The following BORCS5 variants were observed in gnomAD, a reference collection of about 807,000 sequenced individuals.
The protein encoded by BORCS5 is BLOC-1 related complex subunit 5.
A neutral mutation model predicts 22.1 loss-of-function variants in BORCS5; 17 were observed. That is an observed-to-expected ratio of 0.77 (90% CI 0.53 to 1.15). BORCS5 has a LOEUF of 1.15. Ranked by LOEUF, BORCS5 falls within the 50% of genes most tolerant of loss-of-function variation. BORCS5 has a pLI of 0.00. For missense variants in BORCS5, 247 were observed against 253.2 expected, an observed-to-expected ratio of 0.98 and a Z score of 0.17; for synonymous variants, 117 against 99.8, an observed-to-expected ratio of 1.17 and a Z score of -1.03.
intron 2 of BORCS5, among the ~76,000 whole-genome samples, chr12:12,373,107 G>A (rs1372729527): frequency 2.0e-5 from 3 of 152,168 alleles, no homozygotes; most frequent in African/African-American, 7.2e-5. Flanking sequence ...GAGCCCTCAT[G>A]TCATGGGAGT....
chr12:12,360,567 A>ATTTTTTTTTT (rs35965943), intron 1 of BORCS5, among the ~76,000 whole-genome samples: 1 of 89,230 alleles, frequency 1.1e-5, no homozygotes, highest in Non-Finnish European at 2.1e-5. Flanking sequence ...ATTAAAAGAA[A>ATTTTTTTTTT]TTTTTTTTTT....
At chr12:12,449,672 T>A (rs1215657821) in intron 3 of BORCS5, among the ~76,000 whole-genome samples, 2 of 152,196 alleles carry the variant, frequency 1.3e-5, no homozygotes, top group African/African-American at 4.8e-5. Flanking sequence ...TCTGAGACAT[T>A]TAGATACATT....
At chr12:12,389,648 T>G (rs755306846) in intron 2 of BORCS5, among the ~76,000 whole-genome samples, 3 of 151,912 alleles carry the variant, frequency 2.0e-5, no homozygotes, top group Non-Finnish European at 4.4e-5. Flanking sequence ...TTTCGTTTTA[T>G]GTATTTATTT....
chr12:12,380,841 AT>A (rs1237020877), intron 2 of BORCS5, among the ~76,000 whole-genome samples: 1 of 151,090 alleles, frequency 6.6e-6, no homozygotes, highest in Non-Finnish European at 1.5e-5. Context: ...TGTTGAGATT[AT>A]TTTTGTGTGC....
intron 3 of BORCS5, among the ~76,000 whole-genome samples, chr12:12,457,984 G>T (rs1199370256): frequency 1.3e-5 from 2 of 152,306 alleles, no homozygotes; most frequent in East Asian, 3.9e-4. Flanking sequence ...GATAACCGTG[G>T]TCATAAGCTA....
At chr12:12,389,044 G>T (rs1863942515) in intron 2 of BORCS5, among the ~76,000 whole-genome samples, 1 of 150,004 alleles carries the variant, frequency 6.7e-6, no homozygotes, top group African/African-American at 2.5e-5. Flanking sequence ...GACACAGGTT[G>T]TTGAGGCAAA....
At position 12,467,868 on chromosome 12, in the gene BORCS5, A is replaced by G. The variant is rs978791364; in HGVS notation, c.*2092A>G. 6.6e-6 allele frequency: 1 copy of G among 152,202 alleles called. No individual in the cohort carries two copies. The highest frequency in any genetic ancestry group is 6.5e-5 in the Admixed American group (1 of 15,280). 9.4% of individuals were successfully genotyped at this position (152,202 alleles called of 1,614,324 possible). ...CCTGTTCCATCACGTGCACGTTACC[A>G]TGGATCTCCTGCACTTGTGGTGTGG... On this transcript the variant is annotated 3_prime_UTR_variant, in exon 4 of 4. Coordinates refer to ENST00000314565, the MANE Select transcript of BORCS5 (RefSeq NM_058169.6).
intron 3 of BORCS5, among the ~76,000 whole-genome samples, chr12:12,458,578 CT>C (rs57810545): frequency 1.0e-3 from 143 of 139,592 alleles, no homozygotes; most frequent in African/African-American, 1.6e-3. Context: ...CTTTTCTTTC[CT>C]TTTTTTTTTT....
chr12:12,394,292 C>T (rs957084976), intron 2 of BORCS5, among the ~76,000 whole-genome samples: 3 of 151,814 alleles, frequency 2.0e-5, no homozygotes, highest in Non-Finnish European at 4.4e-5. Flanking sequence ...TGCCACTGCA[C>T]CCCAGCTTGG....
chr12:12,362,724 C>T (rs1411058156), intron 2 of BORCS5, among the ~76,000 whole-genome samples: 1 of 148,302 alleles, frequency 6.7e-6, no homozygotes. Context: ...ACTGCAACCT[C>T]CACCTCCCAG....
At chr12:12,444,290 A>C (rs979785986) in intron 3 of BORCS5, among the ~76,000 whole-genome samples, 1 of 152,204 alleles carries the variant, frequency 6.6e-6, no homozygotes, top group Admixed American at 6.5e-5. Flanking sequence ...ATCAAATGCA[A>C]CAGAAGTTTA....
chr12:12,410,450 G>A (rs1385345396), intron 2 of BORCS5, among the ~76,000 whole-genome samples: 5 of 152,214 alleles, frequency 3.3e-5, no homozygotes, highest in African/African-American at 1.2e-4. Flanking sequence ...CATATGGCTA[G>A]CTAGTTTTCC....
chr12:12,436,139 C>T (rs770594441), intron 3 of BORCS5, among the ~76,000 whole-genome samples: 7 of 152,218 alleles, frequency 4.6e-5, no homozygotes, highest in Non-Finnish European at 1.0e-4. Flanking sequence ...TTTGCTCTAG[C>T]CACCATTCTG....
chr12:12,442,494 A>G (rs369938421), intron 3 of BORCS5, among the ~76,000 whole-genome samples: 6 of 152,350 alleles, frequency 3.9e-5, no homozygotes, highest in African/African-American at 1.2e-4. Context: ...GTGTATTGAC[A>G]TAAACCAGTA....
In BORCS5 at chr12:12,470,107, G is replaced by A. The variant is rs1305802835; in HGVS notation, c.*4331G>A. ...GTTTATTGAGATGGAGTCTCGCTCTGTTGCCCAGGCTGGAGTGCAGTGGCA... is the reference window on the plus strand; with the variant it reads ...GTTTATTGAGATGGAGTCTCGCTCTATTGCCCAGGCTGGAGTGCAGTGGCA... On this transcript the variant is annotated 3_prime_UTR_variant, in exon 4 of 4. Transcript: ENST00000314565. Among the ~76,000 whole-genome samples the A allele has an allele frequency of 6.6e-6, 1 of 152,166 alleles. No homozygotes were observed. Among genetic ancestry groups the A allele is most frequent in the South Asian group, 2.1e-4 (1 of 4,822 alleles).
intron 2 of BORCS5, among the ~76,000 whole-genome samples, chr12:12,384,505 T>C (rs182283648): frequency 1.3e-5 from 2 of 150,442 alleles, no homozygotes; most frequent in East Asian, 3.9e-4. Flanking sequence ...TGTTTCTTTG[T>C]AGGTCTTATA....
At chr12:12,400,481 G>C (rs763448654) in intron 2 of BORCS5, among the ~76,000 whole-genome samples, 44 of 151,794 alleles carry the variant, frequency 2.9e-4, no homozygotes, top group Non-Finnish European at 2.9e-4. Context: ...AGGGGCCTTA[G>C]ACCCAGCAGG....
At chr12:12,458,386 G>T (rs1291614506) in intron 3 of BORCS5, among the ~76,000 whole-genome samples, 1 of 151,882 alleles carries the variant, frequency 6.6e-6, no homozygotes, top group Non-Finnish European at 1.5e-5. Flanking sequence ...CCAAATTTTG[G>T]ATTTTTTCTT....
At chr12:12,358,256 G>A (rs1023841260) in intron 1 of BORCS5, among the ~76,000 whole-genome samples, 7 of 152,194 alleles carry the variant, frequency 4.6e-5, no homozygotes, top group African/African-American at 7.2e-5. Flanking sequence ...GGTTGCTAAC[G>A]CAAATTGGTT....
Sources: gnomAD v4.1 joint callset for allele counts (sites outside exome capture counted in the v4.1 genomes callset) on GRCh38, gnomAD v4.1.1 for gene constraint, MANE v1.5 for transcripts, NCBI Gene and HGNC (gene_info 2026-07-23, HGNC 2026-07-21) for gene names.